The following ADAMTS12 variants were observed in gnomAD, a reference collection of about 807,000 sequenced individuals.
ADAMTS12 encodes A disintegrin and metalloproteinase with thrombospondin motifs 12.
In ADAMTS12, 118 loss-of-function variants were observed where a neutral mutation model predicts 167.8. That is an observed-to-expected ratio of 0.70 (90% CI 0.61 to 0.82). The LOEUF (loss-of-function observed/expected upper bound fraction) is 0.82, where lower values mean the gene tolerates loss of function less well. ADAMTS12 is among the 40% of genes least tolerant of loss of function. ADAMTS12 has a pLI of 0.00. For synonymous variants in ADAMTS12, 704 were observed against 716.9 expected (o/e 0.98, Z 0.29); for missense variants, 1,916 against 1,998.8 (o/e 0.96, Z 0.79).
At chr5:33,703,919 G>T (rs371957724) in intron 3 of ADAMTS12, among the ~76,000 whole-genome samples, 2 of 152,162 alleles carry the variant, frequency 1.3e-5, no homozygotes, top group African/African-American at 4.8e-5. Flanking sequence ...AGCAATAAAA[G>T]CCTAATCCCC....
At chr5:33,734,518 A>C (rs1561242086) in intron 3 of ADAMTS12, among the ~76,000 whole-genome samples, 4 of 152,234 alleles carry the variant, frequency 2.6e-5, no homozygotes, top group Admixed American at 2.6e-4. Context: ...AACAAGGAAG[A>C]CAGCTAACAT....
chr5:33,824,640 A>C (rs1747991444), intron 2 of ADAMTS12, among the ~76,000 whole-genome samples: 1 of 152,188 alleles, frequency 6.6e-6, no homozygotes, highest in Admixed American at 6.5e-5. Context: ...CAGCTGTGCT[A>C]ATGAGTGGCT....
At chr5:33,667,334 A>C (rs1741511440) in intron 5 of ADAMTS12, among the ~76,000 whole-genome samples, 1 of 151,666 alleles carries the variant, frequency 6.6e-6, no homozygotes, top group Admixed American at 6.6e-5. Context: ...AAAAAAAAAA[A>C]AAAAAGATTT....
At chr5:33,620,170 A>G (rs1408892299) in intron 14 of ADAMTS12, among the ~76,000 whole-genome samples, 1 of 152,202 alleles carries the variant, frequency 6.6e-6, no homozygotes, top group East Asian at 1.9e-4. Context: ...CCTTTTCTAC[A>G]CTAGATTCAT....
At chr5:33,560,602 T>A (rs947867735) in intron 20 of ADAMTS12, among the ~76,000 whole-genome samples, 1 of 151,804 alleles carries the variant, frequency 6.6e-6, no homozygotes, top group Non-Finnish European at 1.5e-5. Flanking sequence ...TAAAAAATGA[T>A]AAGTGCATGT....
Position 33,551,485 on chromosome 5 carries a change from T to G in ADAMTS12, c.4126-2102A>C, listed in dbSNP as rs539988190. Among the ~76,000 whole-genome samples the G allele has an allele frequency of 3.9e-5, 6 of 152,304 alleles. No individual in the cohort carries two copies. In the East Asian group the frequency reaches 1.2e-3, roughly 29 times the overall value. ...TTGCCATAGAACAAATGAGAAAGCA[T>G]GCTAATAGCTTCCACTCAAAGCAAC... On this transcript the variant is annotated intron_variant, in intron 20 of 23. Coordinates refer to ENST00000504830, the MANE Select transcript of ADAMTS12 (RefSeq NM_030955.4).
intron 10 of ADAMTS12, among the ~76,000 whole-genome samples, 161 bp from the exon 11 acceptor site, chr5:33,642,116 C>A (rs1255206727): frequency 6.6e-6 from 1 of 152,096 alleles, no homozygotes; most frequent in African/African-American, 2.4e-5. Flanking sequence ...AAGTTTCTGC[C>A]AAGAGTCGTG....
At position 33,788,492 on chromosome 5, in the gene ADAMTS12, G is replaced by C. The variant is rs184751017; in HGVS notation, c.490-36944C>G. On this transcript the variant is annotated intron_variant, in intron 2 of 23. Transcript: ENST00000504830. ...AGAAAAGGTAGGACTGCTAAAATAT[G>C]CCAGGTTCAGGTGCACACAAAAAGC... is the stretch of plus-strand genomic sequence containing the variant. Among the ~76,000 whole-genome samples, 62 of 152,196 alleles carry C rather than the reference G, an allele frequency of 4.1e-4. 1 individual carries two copies. In the East Asian group the frequency reaches 0.01, roughly 26 times the overall value.
chr5:33,561,930 A>G (rs541618409), intron 19 of ADAMTS12, among the ~76,000 whole-genome samples: 1 of 152,090 alleles, frequency 6.6e-6, no homozygotes, highest in Non-Finnish European at 1.5e-5. Context: ...ATACTATCTC[A>G]CCTATTTCTC....
At chr5:33,730,289 G>GGTGTGTGTGTGTGTGTGTGTGTGTGTGT (rs762232547) in intron 3 of ADAMTS12, among the ~76,000 whole-genome samples, 3 of 144,150 alleles carry the variant, frequency 2.1e-5, no homozygotes, top group Admixed American at 6.9e-5. Context: ...AGTCCATTAG[G>GGTGTGTGTGTGTGTGTGTGTGTGTGTGT]GTGTGTGTGT....
At chr5:33,780,805 G>A (rs564419932) in intron 2 of ADAMTS12, among the ~76,000 whole-genome samples, 12 of 152,140 alleles carry the variant, frequency 7.9e-5, no homozygotes, top group Non-Finnish European at 1.8e-4. Context: ...TAGCTCTCTC[G>A]TAAGAAGAGT....
chr5:33,584,034 G>A (rs1449347656), intron 18 of ADAMTS12, among the ~76,000 whole-genome samples: 1 of 152,158 alleles, frequency 6.6e-6, no homozygotes, highest in Non-Finnish European at 1.5e-5. Context: ...TATTTGAGAT[G>A]CAGTATGGCA....
chr5:33,744,328 T>C (rs1056644688), intron 3 of ADAMTS12, among the ~76,000 whole-genome samples: 5 of 152,254 alleles, frequency 3.3e-5, no homozygotes, highest in African/African-American at 1.2e-4. Context: ...AGAAGGAGTC[T>C]AAGGGCAAAG....
intron 17 of ADAMTS12, among the ~76,000 whole-genome samples, chr5:33,594,756 G>A (rs781156933): frequency 3.9e-5 from 6 of 152,196 alleles, no homozygotes; most frequent in Non-Finnish European, 7.3e-5. Flanking sequence ...GAACAGAAGA[G>A]AAAATAAACC....
At chr5:33,884,571 G>C (rs558505307) in intron 1 of ADAMTS12, among the ~76,000 whole-genome samples, 11 of 152,114 alleles carry the variant, frequency 7.2e-5, no homozygotes, top group African/African-American at 2.2e-4. Flanking sequence ...GGCACAGTAG[G>C]GGGGATGAAT....
intron 16 of ADAMTS12, among the ~76,000 whole-genome samples, chr5:33,611,301 G>A (rs1738716323): frequency 6.6e-6 from 1 of 151,656 alleles, no homozygotes; most frequent in Non-Finnish European, 1.5e-5. Context: ...TGAAGGAAGT[G>A]GATGTGGAAT....
chr5:33,838,811 A>G (rs1013239876), intron 2 of ADAMTS12, among the ~76,000 whole-genome samples: 1 of 152,174 alleles, frequency 6.6e-6, no homozygotes, highest in South Asian at 2.1e-4. Flanking sequence ...AGTAGGAAGA[A>G]AAAAGGGAAG....
rs1490756860 is a variant in ADAMTS12, at chr5:33,527,318, AG to A, written c.4654del (p.Leu1552Ter). The A allele has an allele frequency of 6.2e-7, 1 of 1,614,130 alleles. No homozygotes were observed. On this transcript the variant is annotated frameshift_variant, in exon 24 of 24. Transcript: ENST00000504830. LOFTEE classifies it low-confidence loss of function (END_TRUNC). ...CACAGAACATTTCTTCATGGCTTTC[AG>A]TGTCTGGCAGAAACTGGCTGACAGT... is the stretch of plus-strand genomic sequence containing the variant. ...DKLSASFCQT[L>X]KAMKKCSVPT... is the part of the protein sequence containing the mutation.
chr5:33,562,634 ATTT>A (rs201008805), intron 19 of ADAMTS12, among the ~76,000 whole-genome samples: 2 of 142,664 alleles, frequency 1.4e-5, no homozygotes. Context: ...TCTCCATATA[ATTT>A]TTTTTTTTTT....
Sources: gnomAD v4.1 joint callset for allele counts (sites outside exome capture counted in the v4.1 genomes callset) on GRCh38, gnomAD v4.1.1 for gene constraint, MANE v1.5 for transcripts, NCBI Gene and HGNC (gene_info 2026-07-23, HGNC 2026-07-21) for gene names.